The following PCDHGB3 variants were observed in gnomAD, a reference collection of about 807,000 sequenced individuals.
PCDHGB3 encodes the protein protocadherin gamma-B3.
Under a neutral mutation model 59.2 loss-of-function variants are expected in PCDHGB3, and 40 were observed. That is an observed-to-expected ratio of 0.68 (90% confidence interval 0.52 to 0.88). The LOEUF is 0.88. Ranked by LOEUF, PCDHGB3 falls within the 40% of genes least tolerant of loss-of-function variation. The pLI, the probability that PCDHGB3 is intolerant of heterozygous loss-of-function variation, is 0.00. For synonymous variants in PCDHGB3, 581 were observed against 503.6 expected, an observed-to-expected ratio of 1.15 and a Z score of -2.06; for missense variants, 1,309 against 1,187.9, an observed-to-expected ratio of 1.10 and a Z score of -1.50.
At chr5:141,382,895 C>A (rs1554087243) in intron 1 of PCDHGB3, 1 of 1,536,202 alleles carries the variant, frequency 6.5e-7, no homozygotes, top group South Asian at 1.3e-5. Flanking sequence ...AGAAGCAGGA[C>A]GACTATGGCG....
intron 1 of PCDHGB3, chr5:141,416,504 C>G (rs966090979): frequency 1.3e-5 from 2 of 152,040 alleles, no homozygotes; most frequent in African/African-American, 4.8e-5. Flanking sequence ...AGATATATGA[C>G]AAAGCTATTT....
chr5:141,403,713 A>C (rs2094445702), intron 1 of PCDHGB3: 3 of 1,613,946 alleles, frequency 1.9e-6, no homozygotes, highest in Non-Finnish European at 2.5e-6. Flanking sequence ...GTCCTTGAGA[A>C]CGTGCCCCCA....
chr5:141,376,685 T>TTGTTTGTTTG (rs1554084826), intron 1 of PCDHGB3: 2 of 813,646 alleles, frequency 2.5e-6, no homozygotes, highest in African/African-American at 3.8e-5. Flanking sequence ...CGTTTTTTTT[T>TTGTTTGTTTG]TTTTTTTTTT....
intron 1 of PCDHGB3, chr5:141,400,190 T>C: frequency 1.2e-6 from 2 of 1,614,016 alleles, no homozygotes; most frequent in Non-Finnish European, 1.7e-6. Context: ...CAGTTTTACC[T>C]AGTGGTGGCC....
intron 2 of PCDHGB3, among the ~76,000 whole-genome samples, chr5:141,497,336 A>G (rs558221190): frequency 1.6e-3 from 251 of 152,122 alleles, no homozygotes; most frequent in Non-Finnish European, 2.8e-3. Flanking sequence ...TTCACCATTG[A>G]ACCTGGAAGC....
intron 1 of PCDHGB3, chr5:141,393,503 G>T: frequency 6.2e-7 from 1 of 1,614,028 alleles, no homozygotes; most frequent in Non-Finnish European, 8.5e-7. Context: ...GCATCCACGT[G>T]ACAGTGTTGG....
At chr5:141,467,514 T>C (rs2154569535) in intron 1 of PCDHGB3, among the ~76,000 whole-genome samples, 1 of 152,362 alleles carries the variant, frequency 6.6e-6, no homozygotes, top group South Asian at 2.1e-4. Flanking sequence ...TTGGAGTTTA[T>C]TCTTTTGTGT....
intron 1 of PCDHGB3, chr5:141,413,112 G>A (rs1589839162): frequency 6.7e-7 from 1 of 1,502,662 alleles, no homozygotes; most frequent in East Asian, 2.3e-5. Flanking sequence ...GAAAGACAAA[G>A]GAACCGGTTG....
chr5:141,403,788 A>G, intron 1 of PCDHGB3: 3 of 1,613,956 alleles, frequency 1.9e-6, no homozygotes, highest in South Asian at 1.1e-5. Context: ...AAAGTGGCAT[A>G]CAAATTCTGG....
At chr5:141,425,392 A>G (rs2096872216) in intron 1 of PCDHGB3, among the ~76,000 whole-genome samples, 1 of 152,232 alleles carries the variant, frequency 6.6e-6, no homozygotes, top group African/African-American at 2.4e-5. Flanking sequence ...GGTAGTGATA[A>G]AGTTCTGTTA....
At chr5:141,384,107 G>T in intron 1 of PCDHGB3, 3 of 1,602,850 alleles carry the variant, frequency 1.9e-6, no homozygotes, top group Non-Finnish European at 2.6e-6. Context: ...AATTATTATA[G>T]ATTGGTCACA....
intron 1 of PCDHGB3, among the ~76,000 whole-genome samples, chr5:141,382,133 T>A (rs1420684997): frequency 6.6e-6 from 1 of 152,068 alleles, no homozygotes; most frequent in Non-Finnish European, 1.5e-5. Context: ...TGGCCCCCCC[T>A]CTCATTTTTT....
At chr5:141,410,764 A>G (rs1288407043) in intron 1 of PCDHGB3, 2 of 1,105,068 alleles carry the variant, frequency 1.8e-6, no homozygotes, top group African/African-American at 1.6e-5. Context: ...TTTTTCAATT[A>G]TAGTTTTCAC....
chr5:141,491,537 C>T lies in PCDHGB3; in HGVS notation c.2416-3270C>T, dbSNP rs1330469043. The T allele has an allele frequency of 3.1e-6, 5 of 1,613,908 alleles. No homozygotes were observed. The highest frequency in any genetic ancestry group is 4.2e-6 in the Non-Finnish European group (5 of 1,180,020). On this transcript the variant is annotated intron_variant, in intron 1 of 3. Transcript: ENST00000576222. This position sits in a 1 kb window ranked among gnomAD's most constrained non-coding sequence, Gnocchi z 6.9. ...AAGTACATGGAGGTGACGCTGCGGC[C>T]CACAGACTCGCAGAGCCACTGCTAC...
chr5:141,457,902 G>A (rs1219261409), intron 1 of PCDHGB3, among the ~76,000 whole-genome samples: 1 of 150,854 alleles, frequency 6.6e-6, no homozygotes, highest in Non-Finnish European at 1.5e-5. Flanking sequence ...GTGTAGACAA[G>A]GTGTGAGGCC....
chr5:141,471,562 G>T (rs2099259935), intron 1 of PCDHGB3: 1 of 152,136 alleles, frequency 6.6e-6, no homozygotes, highest in Non-Finnish European at 1.5e-5. Flanking sequence ...TTGACTCAGG[G>T]GTAGCAGTAG....
At chr5:141,415,095 C>A (rs1045755927) in intron 1 of PCDHGB3, 2 of 1,613,466 alleles carry the variant, frequency 1.2e-6, no homozygotes, top group East Asian at 2.2e-5. Flanking sequence ...TGGACAGAGA[C>A]GCGCTCAAGC....
chr5:141,476,040 G>T lies in PCDHGB3; in HGVS notation c.2416-18767G>T. On this transcript the variant is annotated intron_variant, in intron 1 of 3. Coordinates refer to ENST00000576222, the MANE Select transcript of PCDHGB3 (RefSeq NM_018924.5). This position sits in a 1 kb window ranked among gnomAD's most constrained non-coding sequence, Gnocchi z 7.6. ...CGGACTCGGCGCCCAGCGCCCAAGC[G>T]CTAACCCGCTGAAAGTTTCTCAGCG... is the stretch of plus-strand genomic sequence containing the variant. 1 of 1,488,704 alleles carries T rather than the reference G, an allele frequency of 6.7e-7. No homozygotes were observed. 92.2% of individuals were successfully genotyped at this position (1,488,704 alleles called of 1,614,324 possible).
At chr5:141,482,841 G>A (rs1401298303) in intron 1 of PCDHGB3, among the ~76,000 whole-genome samples, 1 of 139,444 alleles carries the variant, frequency 7.2e-6, no homozygotes, top group Non-Finnish European at 1.5e-5. Flanking sequence ...GGAGGCCAAG[G>A]TGGGCAGATC....
Sources: gnomAD v4.1 joint callset for allele counts (sites outside exome capture counted in the v4.1 genomes callset) on GRCh38, gnomAD v4.1.1 for gene constraint, Gnocchi (gnomAD v3.1) non-coding constraint, MANE v1.5 for transcripts, NCBI Gene and HGNC (gene_info 2026-07-23, HGNC 2026-07-21) for gene names.